KIF16B: variants seen among roughly 807,000 people sequenced by gnomAD.
KIF16B encodes the protein kinesin-like protein KIF16B.
In KIF16B, 98 loss-of-function variants were observed where a neutral mutation model predicts 156.3. The observed-to-expected ratio is 0.63, with a 90% CI of 0.53 to 0.74. The LOEUF (loss-of-function observed/expected upper bound fraction) is 0.74. Ranked by LOEUF, KIF16B falls within the 30% of genes least tolerant of loss-of-function variation. The pLI is 0.00. For synonymous variants in KIF16B, 564 were observed against 583.7 expected, an observed-to-expected ratio of 0.97 and a Z score of 0.49; for missense variants, 1,421 against 1,606.5, an observed-to-expected ratio of 0.88 and a Z score of 1.97.
intron 12 of KIF16B, among the ~76,000 whole-genome samples, chr20:16,471,680 A>C (rs918693182): frequency 2.0e-5 from 3 of 152,228 alleles, no homozygotes; most frequent in African/African-American, 7.2e-5. Context: ...GATTTTAAAA[A>C]TCCATCACAG....
At chr20:16,437,584 G>C (rs1044582989) in intron 12 of KIF16B, among the ~76,000 whole-genome samples, 1 of 149,096 alleles carries the variant, frequency 6.7e-6, no homozygotes, top group African/African-American at 2.5e-5. Context: ...TCGGTTGATG[G>C]ACATTAAGTA....
At chr20:16,346,419 C>T (rs1444689696) in intron 23 of KIF16B, among the ~76,000 whole-genome samples, 1 of 152,152 alleles carries the variant, frequency 6.6e-6, no homozygotes, top group African/African-American at 2.4e-5. Flanking sequence ...AAATGCATCA[C>T]CGACAAGTAC....
At chr20:16,498,287 A>C (rs2068511704) in intron 10 of KIF16B, among the ~76,000 whole-genome samples, 1 of 152,094 alleles carries the variant, frequency 6.6e-6, no homozygotes, top group Non-Finnish European at 1.5e-5. Flanking sequence ...TGGGGCTTAA[A>C]CTGCACTCTT....
rs1190414623 is a variant in KIF16B at position 16,355,418 on chromosome 20, T to C, written c.3621+912A>G. ...GGGAAACTGAGGATCAGATGACTTA[T>C]GGCTGCTCAGCAAATTGCAGCGGGG... On this transcript the variant is annotated intron_variant, in intron 23 of 25. Coordinates refer to ENST00000354981, the MANE Select transcript of KIF16B (RefSeq NM_024704.5). 2.6e-5 allele frequency among the ~76,000 whole-genome samples: 4 copies of C among 152,360 alleles called. No homozygotes were observed. The East Asian group carries it at 7.7e-4, about 29-fold the overall frequency.
chr20:16,367,986 C>T, intron 22 of KIF16B: 1 of 1,436,338 alleles, frequency 7.0e-7, no homozygotes, highest in Non-Finnish European at 9.1e-7. Flanking sequence ...GATTATCTGA[C>T]AGGACCAAAG....
intron 10 of KIF16B, 98 bp from the exon 11 acceptor site, chr20:16,497,776 T>C: frequency 1.1e-6 from 1 of 926,518 alleles, no homozygotes; most frequent in Non-Finnish European, 1.7e-6. Context: ...TCACAGAAAC[T>C]ATTAAAGGTA....
intron 1 of KIF16B, among the ~76,000 whole-genome samples, chr20:16,551,932 G>C (rs1183555435): frequency 1.3e-5 from 2 of 152,298 alleles, no homozygotes; most frequent in East Asian, 3.9e-4. Flanking sequence ...TTTCAAAGAA[G>C]GAGGGTGGGC....
intron 12 of KIF16B, among the ~76,000 whole-genome samples, chr20:16,432,799 CAATTT>C (rs1183114234): frequency 6.6e-6 from 1 of 152,076 alleles, no homozygotes; most frequent in Non-Finnish European, 1.5e-5. Flanking sequence ...TGAAAGAAAG[CAATTT>C]AATTTAACAA....
Position 16,338,479 on chromosome 20 carries a change from G to C in KIF16B, c.3622-2464C>G, listed in dbSNP as rs540625367. ...CCTATTGATCTCCTGCATGATTCTT[G>C]GTAATTTCATTAATCACCCAGATGA... is the stretch of plus-strand genomic sequence containing the variant. On this transcript the variant is annotated intron_variant, in intron 23 of 25. Transcript: ENST00000354981. Among the ~76,000 whole-genome samples the C allele has an allele frequency of 2.6e-5, 4 of 152,078 alleles. No homozygotes were observed. In the South Asian group the frequency reaches 8.3e-4, roughly 32 times the overall value.
intron 23 of KIF16B, among the ~76,000 whole-genome samples, chr20:16,337,731 C>G (rs1230756784): frequency 6.6e-6 from 1 of 152,122 alleles, no homozygotes; most frequent in Non-Finnish European, 1.5e-5. Flanking sequence ...GAGAGCAAGG[C>G]CAGCACAATC....
Position 16,377,412 on chromosome 20 carries a change from A to AAAATAAATAAAT in KIF16B, c.3197+1381_3197+1392dup, listed in dbSNP as rs377190523. ...CCATCTCTAAAAAAATAAAATACAT[A>AAAATAAATAAAT]AAATAAATAAATAAATAAATAAATA... is the stretch of plus-strand genomic sequence containing the variant. On this transcript the variant is annotated intron_variant, in intron 19 of 25. Coordinates refer to ENST00000354981, the MANE Select transcript of KIF16B (RefSeq NM_024704.5). Among the ~76,000 whole-genome samples, 291 of 151,356 alleles carry AAAATAAATAAAT rather than the reference A, an allele frequency of 1.9e-3. 3 individuals carry two copies. The highest frequency in any genetic ancestry group is 6.8e-3 in the African/African-American group (280 of 40,886).
rs148657003 is a variant in KIF16B at position 16,419,190 on chromosome 20, A to G, written c.1612+7914T>C. On this transcript the variant is annotated intron_variant, in intron 15 of 25. Transcript: ENST00000354981. The stretch of plus-strand genomic sequence containing the variant: ...TGTTAAGAAGAGTTAGGGCTTTGAC[A>G]TTGAAAAATAGTTGTTGAATCAGCC... Among the ~76,000 whole-genome samples, 9 of 152,228 alleles carry G rather than the reference A, an allele frequency of 5.9e-5. No homozygotes were observed. The East Asian group carries it at 7.7e-4, about 13-fold the overall frequency.
chr20:16,363,817 T>G (rs1409400775), intron 22 of KIF16B, among the ~76,000 whole-genome samples: 7 of 152,232 alleles, frequency 4.6e-5, no homozygotes, highest in African/African-American at 1.7e-4. Flanking sequence ...ATAAAAACTT[T>G]TTTTAATGTG....
intron 14 of KIF16B, among the ~76,000 whole-genome samples, chr20:16,428,695 G>T (rs2066422837): frequency 6.6e-6 from 1 of 152,120 alleles, no homozygotes; most frequent in African/African-American, 2.4e-5. Context: ...GACAAGGAAT[G>T]GAATGTAGGG....
chr20:16,300,024 T>G (rs917283198), intron 25 of KIF16B, among the ~76,000 whole-genome samples: 6 of 152,196 alleles, frequency 3.9e-5, no homozygotes, highest in African/African-American at 1.4e-4. Flanking sequence ...GGGAAAAGGA[T>G]CTTTACAACT....
intron 25 of KIF16B, among the ~76,000 whole-genome samples, chr20:16,294,198 CAGCAATA>C (rs2063351235): frequency 6.6e-6 from 1 of 152,066 alleles, no homozygotes; most frequent in African/African-American, 2.4e-5. Flanking sequence ...ACACACAAAA[CAGCAATA>C]AGTGTAAACA....
At chr20:16,348,232 T>C (rs556464924) in intron 23 of KIF16B, among the ~76,000 whole-genome samples, 1 of 152,360 alleles carries the variant, frequency 6.6e-6, no homozygotes, top group Non-Finnish European at 1.5e-5. Context: ...TACTAAAATA[T>C]AGCCTCAACT....
At chr20:16,312,774 C>CTT (rs1172637856) in intron 24 of KIF16B, among the ~76,000 whole-genome samples, 8 of 100,412 alleles carry the variant, frequency 8.0e-5, no homozygotes, top group Admixed American at 6.5e-4. Flanking sequence ...GTCCTCCCAC[C>CTT]CTTTTTTTTT....
intron 17 of KIF16B, among the ~76,000 whole-genome samples, chr20:16,384,761 G>C (rs1271420426): frequency 6.6e-6 from 1 of 152,114 alleles, no homozygotes; most frequent in African/African-American, 2.4e-5. Context: ...TCTGGGCTCA[G>C]AACCCCATGC....
Sources: allele counts gnomAD v4.1 joint callset (sites outside exome capture counted in the v4.1 genomes callset), GRCh38; gene constraint gnomAD v4.1.1; transcripts MANE v1.5; gene names NCBI Gene and HGNC (gene_info 2026-07-23, HGNC 2026-07-21).